The following FCHSD2 variants were observed in gnomAD, a reference collection of about 807,000 sequenced individuals.
The protein encoded by FCHSD2 is F-BAR and double SH3 domains protein 2.
FCHSD2 carries 38 observed loss-of-function variants against 108.1 expected under a neutral mutation model. That is an observed-to-expected ratio of 0.35 (90% CI 0.27 to 0.46). FCHSD2 has a LOEUF of 0.46. Among genes scored for constraint, FCHSD2 ranks in the 20% least tolerant of loss-of-function variants. FCHSD2 has a pLI of 1.00. For synonymous variants in FCHSD2, 279 were observed against 314.7 expected (o/e 0.89, Z 1.20); for missense variants, 751 against 897.8 (o/e 0.84, Z 2.09).
At chr11:72,894,684 C>G (rs963043658) in intron 10 of FCHSD2, among the ~76,000 whole-genome samples, 47 of 152,204 alleles carry the variant, frequency 3.1e-4, no homozygotes, top group Non-Finnish European at 8.8e-5. Context: ...TGTACAGGTT[C>G]ACAATCCCAC....
intron 2 of FCHSD2, among the ~76,000 whole-genome samples, chr11:73,088,528 T>C (rs1051233369): frequency 3.9e-5 from 6 of 152,168 alleles, no homozygotes; most frequent in African/African-American, 1.4e-4. Context: ...CATGGTATTA[T>C]AGGCTTCCTT....
At chr11:73,046,458 C>T (rs879542545) in intron 3 of FCHSD2, among the ~76,000 whole-genome samples, 7 of 152,126 alleles carry the variant, frequency 4.6e-5, no homozygotes, top group Non-Finnish European at 8.8e-5. Context: ...AATTAGATAT[C>T]ATTTTTGGCC....
intron 3 of FCHSD2, among the ~76,000 whole-genome samples, chr11:73,060,937 T>C (rs1178748233): frequency 1.3e-5 from 2 of 152,020 alleles, no homozygotes; most frequent in African/African-American, 2.4e-5. Context: ...GCTGAAAAAA[T>C]GCTACCAACA....
chr11:73,013,921 T>C (rs1443952782), intron 4 of FCHSD2, among the ~76,000 whole-genome samples: 1 of 152,098 alleles, frequency 6.6e-6, no homozygotes, highest in South Asian at 2.1e-4. Flanking sequence ...CCTAACTATC[T>C]ATAAGTTGGA....
chr11:73,063,462 C>G (rs1859215069), intron 3 of FCHSD2, among the ~76,000 whole-genome samples: 1 of 152,120 alleles, frequency 6.6e-6, no homozygotes, highest in African/African-American at 2.4e-5. Context: ...TGTAAATGGG[C>G]TAAATGCCCC....
chr11:73,039,462 G>C (rs1202715459), intron 3 of FCHSD2, among the ~76,000 whole-genome samples: 1 of 151,382 alleles, frequency 6.6e-6, no homozygotes, highest in Admixed American at 6.6e-5. Context: ...AGGTAGCAGT[G>C]AGCCGAGACA....
chr11:73,037,090 T>G (rs1446989816), intron 3 of FCHSD2, among the ~76,000 whole-genome samples: 3 of 152,226 alleles, frequency 2.0e-5, no homozygotes, highest in Non-Finnish European at 4.4e-5. Flanking sequence ...TATATTCTTC[T>G]CTTGATACTC....
At chr11:72,986,374 T>C (rs979746246) in intron 6 of FCHSD2, among the ~76,000 whole-genome samples, 13 of 152,180 alleles carry the variant, frequency 8.5e-5, no homozygotes, top group Admixed American at 4.6e-4. Context: ...CACGCCCAGC[T>C]AATTTTTTGT....
intron 3 of FCHSD2, among the ~76,000 whole-genome samples, chr11:73,056,969 G>T (rs979367045): frequency 6.6e-5 from 10 of 152,122 alleles, no homozygotes; most frequent in African/African-American, 2.4e-4. Flanking sequence ...TGTAGTCCCA[G>T]CTACTTGGGA....
intron 2 of FCHSD2, among the ~76,000 whole-genome samples, chr11:73,089,023 T>C (rs1439253171): frequency 6.6e-6 from 1 of 152,162 alleles, no homozygotes; most frequent in East Asian, 1.9e-4. Context: ...TTTTTAGTTG[T>C]TAGTAAAAAG....
chr11:72,859,740 T>A (rs1174367942), intron 13 of FCHSD2, among the ~76,000 whole-genome samples: 2 of 152,110 alleles, frequency 1.3e-5, no homozygotes, highest in East Asian at 1.9e-4. Context: ...GGTCAGTACA[T>A]ATATGTGAAG....
intron 2 of FCHSD2, among the ~76,000 whole-genome samples, chr11:73,116,831 C>G: frequency 6.6e-6 from 1 of 152,198 alleles, no homozygotes. Context: ...GCCACAGCGC[C>G]TGGCCCATAT....
chr11:73,133,048 C>A (rs945495174), intron 2 of FCHSD2, among the ~76,000 whole-genome samples: 4 of 152,046 alleles, frequency 2.6e-5, no homozygotes, highest in African/African-American at 7.2e-5. Context: ...GAAAAATGCA[C>A]GTCAAAGCCA....
At chr11:73,060,963 A>G (rs962410745) in intron 3 of FCHSD2, among the ~76,000 whole-genome samples, 1 of 152,226 alleles carries the variant, frequency 6.6e-6, no homozygotes, top group African/African-American at 2.4e-5. Context: ...CAGGAACAAG[A>G]ACTTATATAG....
At chr11:73,041,682 A>G (rs1858642984) in intron 3 of FCHSD2, among the ~76,000 whole-genome samples, 1 of 152,080 alleles carries the variant, frequency 6.6e-6, no homozygotes, top group Admixed American at 6.5e-5. Context: ...ACCTTCTCCC[A>G]TTCTACAGGT....
chr11:72,889,765 G>A, intron 11 of FCHSD2, 64 bp downstream of exon 11: 1 of 887,218 alleles, frequency 1.1e-6, no homozygotes, highest in Non-Finnish European at 1.8e-6. Flanking sequence ...ATAAAACTCA[G>A]TTCCTTAAAC....
At chr11:72,989,173 T>C in intron 5 of FCHSD2, 76 bp from the exon 6 acceptor site, 1 of 1,141,770 alleles carries the variant, frequency 8.8e-7, no homozygotes, top group South Asian at 1.7e-5. Context: ...CTAAGGACTA[T>C]ACACTATGCC....
chr11:72,924,811 T>C (rs1213542323), intron 8 of FCHSD2, among the ~76,000 whole-genome samples: 1 of 152,144 alleles, frequency 6.6e-6, no homozygotes, highest in Non-Finnish European at 1.5e-5. Flanking sequence ...CAAATATTAT[T>C]ACTATGATTT....
intron 3 of FCHSD2, among the ~76,000 whole-genome samples, chr11:73,016,313 AAAAAC>A (rs1857973246): frequency 6.6e-6 from 1 of 152,142 alleles, no homozygotes; most frequent in East Asian, 1.9e-4. Context: ...AAAAAAAAAA[AAAAAC>A]AAAACCCAAT....
Sources: allele counts gnomAD v4.1 joint callset (sites outside exome capture counted in the v4.1 genomes callset), GRCh38; gene constraint gnomAD v4.1.1; transcripts MANE v1.5; gene names NCBI Gene and HGNC (gene_info 2026-07-23, HGNC 2026-07-21).